The following PRKAR1B variants were observed in gnomAD, a reference collection of about 807,000 sequenced individuals.
PRKAR1B encodes the protein cAMP-dependent protein kinase type I-beta regulatory subunit.
In PRKAR1B, 22 loss-of-function variants were observed where a neutral mutation model predicts 46.5. The observed-to-expected ratio is 0.47, with a 90% CI of 0.34 to 0.68. The LOEUF (loss-of-function observed/expected upper bound fraction) is 0.68. Ranked by LOEUF, PRKAR1B falls within the 30% of genes least tolerant of loss-of-function variation. The pLI, the probability that PRKAR1B is intolerant of heterozygous loss-of-function variation, is 0.01. For missense variants in PRKAR1B, 445 were observed against 535.6 expected, an observed-to-expected ratio of 0.83 and a Z score of 1.67; for synonymous variants, 259 against 217.7, an observed-to-expected ratio of 1.19 and a Z score of -1.67.
rs532527072 is a variant in PRKAR1B, at chr7:596,320, G to C, written c.550-16C>G. 58 of 1,597,818 alleles carry C rather than the reference G, an allele frequency of 3.6e-5. No homozygotes were observed. The East Asian group carries it at 1.2e-3, about 34-fold the overall frequency. ...TCACGTACACCTTTGGGGAGCAAGA[G>C]AGAGAAGTGTCACGGGGGCCAGGCA... On this transcript the variant is annotated splice_polypyrimidine_tract_variant and intron_variant, in intron 6 of 10. Transcript: ENST00000537384.
chr7:615,839 AAAAG>A (rs1451559642), intron 4 of PRKAR1B, among the ~76,000 whole-genome samples: 3 of 151,134 alleles, frequency 2.0e-5, no homozygotes, highest in Non-Finnish European at 4.4e-5. Flanking sequence ...AAAAAAAAAA[AAAAG>A]AAAGCAAGAA....
chr7:664,308 C>T (rs1036979095), intron 4 of PRKAR1B, among the ~76,000 whole-genome samples: 10 of 152,190 alleles, frequency 6.6e-5, no homozygotes, highest in South Asian at 2.1e-4. Flanking sequence ...ATGTGGTCCC[C>T]GACACAGCAC....
At chr7:585,854 T>C (rs1780566159) in intron 7 of PRKAR1B, among the ~76,000 whole-genome samples, 1 of 152,166 alleles carries the variant, frequency 6.6e-6, no homozygotes, top group Non-Finnish European at 1.5e-5. Context: ...GCCTCTCAAC[T>C]TGAATGGGGA....
intron 9 of PRKAR1B, among the ~76,000 whole-genome samples, chr7:576,419 A>G (rs928817374): frequency 6.6e-6 from 1 of 152,130 alleles, no homozygotes; most frequent in African/African-American, 2.4e-5. Context: ...CCGACCGGAA[A>G]TACTGCCTGA....
intron 4 of PRKAR1B, among the ~76,000 whole-genome samples, chr7:642,022 T>A (rs2128485471): frequency 6.6e-6 from 1 of 151,952 alleles, no homozygotes; most frequent in South Asian, 2.1e-4. Flanking sequence ...CCCTCCTCCC[T>A]CCTCCCCAAG....
At chr7:706,733 G>T (rs540087069) in intron 2 of PRKAR1B, among the ~76,000 whole-genome samples, 1 of 151,914 alleles carries the variant, frequency 6.6e-6, no homozygotes, top group Admixed American at 6.6e-5. Context: ...CCCAAATAAG[G>T]AATATTTTAT....
In PRKAR1B at chr7:676,639, G is replaced by A. The variant is rs774792247; in HGVS notation, c.440+590C>T. Among the ~76,000 whole-genome samples the A allele has an allele frequency of 7.2e-5, 11 of 152,362 alleles. No individual in the cohort carries two copies. The East Asian group carries it at 1.7e-3, about 24-fold the overall frequency. Reference sequence around the variant, plus strand: ...CAGCTCGGCAGCAGGGCAGGTGCACGCAGCATAGTATTTCGGGAAGCCACC... The same window carrying A: ...CAGCTCGGCAGCAGGGCAGGTGCACACAGCATAGTATTTCGGGAAGCCACC... On this transcript the variant is annotated intron_variant, in intron 4 of 10. Transcript: ENST00000537384.
chr7:553,031 T>A (rs550437390), intron 9 of PRKAR1B, among the ~76,000 whole-genome samples: 120 of 152,328 alleles, frequency 7.9e-4, no homozygotes, highest in African/African-American at 2.8e-3. Flanking sequence ...ACGGCGGGGC[T>A]GGGGTAGCTG....
chr7:576,704 C>T (rs1779854807), intron 9 of PRKAR1B, among the ~76,000 whole-genome samples: 1 of 151,206 alleles, frequency 6.6e-6, no homozygotes. Flanking sequence ...GGCCTGGTGC[C>T]CTCTGGCCTC....
chr7:550,420 G>A lies in PRKAR1B; in HGVS notation c.*10C>T, dbSNP rs748144009. The A allele has an allele frequency of 6.3e-7, 1 of 1,581,502 alleles. No individual in the cohort carries two copies. Among genetic ancestry groups the A allele is most frequent in the East Asian group, 2.3e-5 (1 of 42,984 alleles). On this transcript the variant is annotated 3_prime_UTR_variant, in exon 11 of 11. Coordinates refer to ENST00000537384, the MANE Select transcript of PRKAR1B (RefSeq NM_001164760.2). ...ACTGGGGAGCTGGGGCTGCAGGGCG[G>A]GAGCTGTGCTCAGACGGTGAGGGAG...
intron 9 of PRKAR1B, among the ~76,000 whole-genome samples, chr7:575,986 C>T (rs767824337): frequency 6.6e-6 from 1 of 152,028 alleles, no homozygotes. Context: ...AATGTGCACG[C>T]TGGCATCCTC....
intron 2 of PRKAR1B, among the ~76,000 whole-genome samples, chr7:691,384 A>G (rs921496164): frequency 6.6e-6 from 1 of 152,216 alleles, no homozygotes; most frequent in Non-Finnish European, 1.5e-5. Flanking sequence ...AAAAGCAGTG[A>G]GATTCCAAAT....
chr7:701,464 A>G (rs1780066352), intron 2 of PRKAR1B, among the ~76,000 whole-genome samples: 1 of 152,178 alleles, frequency 6.6e-6, no homozygotes, highest in Non-Finnish European at 1.5e-5. Flanking sequence ...ACAGAAAAAT[A>G]TATTTGAAGA....
intron 4 of PRKAR1B, among the ~76,000 whole-genome samples, chr7:656,179 G>A (rs556051269): frequency 6.6e-6 from 1 of 152,098 alleles, no homozygotes; most frequent in Non-Finnish European, 1.5e-5. Context: ...AATGTGTGGA[G>A]GGGTGAATGA....
intron 4 of PRKAR1B, among the ~76,000 whole-genome samples, chr7:631,427 G>C (rs527619049): frequency 1.4e-4 from 21 of 152,206 alleles, no homozygotes; most frequent in African/African-American, 4.8e-4. Flanking sequence ...CCTAACCTGG[G>C]ATGACTCAGG....
chr7:563,344 C>G (rs1002213507), intron 9 of PRKAR1B, among the ~76,000 whole-genome samples: 6 of 152,276 alleles, frequency 3.9e-5, no homozygotes, highest in African/African-American at 1.2e-4. Context: ...CACAGGCTGC[C>G]TCTGCAGACA....
At chr7:554,913 G>A (rs1778328188) in intron 9 of PRKAR1B, among the ~76,000 whole-genome samples, 7 of 152,232 alleles carry the variant, frequency 4.6e-5, no homozygotes, top group Admixed American at 4.6e-4. Context: ...AGGTGGCAGG[G>A]ACCCAGCCTT....
At chr7:717,472 C>T (rs531701842) in intron 1 of PRKAR1B, among the ~76,000 whole-genome samples, 111 of 152,036 alleles carry the variant, frequency 7.3e-4, no homozygotes, top group Non-Finnish European at 1.3e-3. Flanking sequence ...ATCTGGGCAA[C>T]AGAGCAAGAC....
chr7:616,165 C>T (rs1782814466), intron 4 of PRKAR1B, among the ~76,000 whole-genome samples: 1 of 152,202 alleles, frequency 6.6e-6, no homozygotes, highest in Non-Finnish European at 1.5e-5. Flanking sequence ...GCTGCAGGTA[C>T]AGGCCCTGTC....
Sources: gnomAD v4.1 joint callset for allele counts (sites outside exome capture counted in the v4.1 genomes callset) on GRCh38, gnomAD v4.1.1 for gene constraint, MANE v1.5 for transcripts, NCBI Gene and HGNC (gene_info 2026-07-23, HGNC 2026-07-21) for gene names.